Variants in FREM2 observed in about 807,000 individuals in gnomAD.
FREM2 encodes the protein FRAS1-related extracellular matrix protein 2.
FREM2 carries 119 observed loss-of-function variants against 219.9 expected under a neutral mutation model. The ratio of observed to expected loss-of-function variants is 0.54; its 90% CI spans 0.47 to 0.63. The LOEUF is 0.63. FREM2 is among the 30% of genes least tolerant of loss of function. The pLI is 0.00. For synonymous variants in FREM2, 1,562 were observed against 1,522.8 expected (o/e 1.03, Z -0.60); for missense variants, 4,030 against 3,993.6 (o/e 1.01, Z -0.25).
chr13:38,776,433 A>G (rs1383596420), intron 4 of FREM2, among the ~76,000 whole-genome samples: 3 of 152,196 alleles, frequency 2.0e-5, no homozygotes, highest in Admixed American at 6.5e-5. Flanking sequence ...GAGAGAAGGT[A>G]TAAAATGTAC....
chr13:38,695,588 A>T (rs1424932479), intron 1 of FREM2, among the ~76,000 whole-genome samples: 1 of 152,128 alleles, frequency 6.6e-6, no homozygotes, highest in African/African-American at 2.4e-5. Flanking sequence ...AGATTTTCTT[A>T]TGCAATTTGA....
At chr13:38,868,154 G>A (rs957931231) in intron 16 of FREM2, among the ~76,000 whole-genome samples, 1 of 152,160 alleles carries the variant, frequency 6.6e-6, no homozygotes, top group Non-Finnish European at 1.5e-5. Flanking sequence ...TTACACATAG[G>A]TGAGGGAGAA....
At chr13:38,768,563 C>T (rs184874864) in intron 3 of FREM2, among the ~76,000 whole-genome samples, 1 of 152,300 alleles carries the variant, frequency 6.6e-6, no homozygotes, top group African/African-American at 2.4e-5. Context: ...AAACCTGAGC[C>T]ACCATGCCCA....
chr13:38,755,780 A>G (rs919422554), intron 2 of FREM2, among the ~76,000 whole-genome samples: 2 of 152,350 alleles, frequency 1.3e-5, no homozygotes, highest in African/African-American at 4.8e-5. Flanking sequence ...CTGAGATCCT[A>G]GAATGAATTA....
At chr13:38,724,553 C>T (rs1446237866) in intron 2 of FREM2, among the ~76,000 whole-genome samples, 1 of 152,144 alleles carries the variant, frequency 6.6e-6, no homozygotes, top group Admixed American at 6.6e-5. Flanking sequence ...GTAATAGTAG[C>T]ATTATCACTC....
chr13:38,733,175 G>T (rs1871836821), intron 2 of FREM2, among the ~76,000 whole-genome samples: 2 of 152,146 alleles, frequency 1.3e-5, no homozygotes, highest in Non-Finnish European at 2.9e-5. Flanking sequence ...GAAGGTTTTT[G>T]AAGAGGTGGC....
chr13:38,765,534 A>C (rs1873401255), intron 3 of FREM2, among the ~76,000 whole-genome samples: 1 of 152,026 alleles, frequency 6.6e-6, no homozygotes, highest in African/African-American at 2.4e-5. Flanking sequence ...GAACTTCCAG[A>C]TCCTCAAAGA....
At chr13:38,761,781 C>A (rs954887479) in intron 2 of FREM2, among the ~76,000 whole-genome samples, 3 of 151,980 alleles carry the variant, frequency 2.0e-5, no homozygotes, top group Non-Finnish European at 1.5e-5. Context: ...GAATAGGGGT[C>A]CTCATTTTAG....
intron 4 of FREM2, among the ~76,000 whole-genome samples, chr13:38,777,034 C>T (rs1035463102): frequency 1.3e-5 from 2 of 151,612 alleles, no homozygotes; most frequent in African/African-American, 4.8e-5. Context: ...TTATGATATA[C>T]ATATATTATA....
At chr13:38,785,042 G>A (rs1423152852) in intron 6 of FREM2, among the ~76,000 whole-genome samples, 1 of 152,116 alleles carries the variant, frequency 6.6e-6, no homozygotes, top group Non-Finnish European at 1.5e-5. Context: ...CCGCTGCGCC[G>A]TTTCTTTCAC....
At chr13:38,701,368 G>C (rs1390211195) in intron 2 of FREM2, among the ~76,000 whole-genome samples, 1 of 152,066 alleles carries the variant, frequency 6.6e-6, no homozygotes, top group East Asian at 1.9e-4. Context: ...GGATTTAGCT[G>C]TCTTCCATTT....
intron 3 of FREM2, among the ~76,000 whole-genome samples, chr13:38,765,662 C>T (rs1429775520): frequency 6.6e-6 from 1 of 151,926 alleles, no homozygotes; most frequent in Non-Finnish European, 1.5e-5. Flanking sequence ...TTTTTGATTT[C>T]CCCTGACATG....
intron 2 of FREM2, among the ~76,000 whole-genome samples, chr13:38,745,719 C>A (rs571566149): frequency 1.9e-4 from 29 of 152,258 alleles, no homozygotes; most frequent in African/African-American, 7.0e-4. Context: ...CTCACTGATT[C>A]TGTGAGCTTT....
intron 2 of FREM2, among the ~76,000 whole-genome samples, chr13:38,738,528 T>C (rs1384490020): frequency 2.4e-5 from 3 of 123,174 alleles, no homozygotes; most frequent in Non-Finnish European, 4.7e-5. Flanking sequence ...ATCATGCCAC[T>C]GCACTCCAGC....
chr13:38,880,995 C>A lies in FREM2; in HGVS notation c.*208C>A. The A allele has an allele frequency of 1.5e-6, 1 of 646,798 alleles. No homozygotes were observed. The highest frequency in any genetic ancestry group is 2.7e-6 in the Non-Finnish European group (1 of 366,128). The allele number at this position is 646,798 out of a possible 1,614,324, so 40.1% of individuals were successfully genotyped here. The stretch of plus-strand genomic sequence containing the variant: ...AATTAAGGCATCTTTCCTCTTGCCC[C>A]AAAGGCAGCAACAACGTACTCATAT... On this transcript the variant is annotated 3_prime_UTR_variant, in exon 24 of 24. Transcript: ENST00000280481.
intron 3 of FREM2, among the ~76,000 whole-genome samples, chr13:38,764,972 G>C (rs1266763179): frequency 6.6e-6 from 1 of 152,134 alleles, no homozygotes; most frequent in Admixed American, 6.5e-5. Context: ...GTGCAGTGGC[G>C]TGATCTCAGC....
chr13:38,792,333 G>T (rs1874595345), intron 6 of FREM2, among the ~76,000 whole-genome samples: 1 of 152,104 alleles, frequency 6.6e-6, no homozygotes. Context: ...TGGGCAACAA[G>T]CAAGACTCGG....
rs1286447180 is a variant in FREM2, at chr13:38,688,745, CT to C, written c.1403del (p.Leu468TrpfsTer9). On this transcript the variant is annotated frameshift_variant, in exon 1 of 24. Transcript: ENST00000280481. LOFTEE classifies it high-confidence loss of function. ...GCCCTGCAGGCAGTGGTCCGCAAAA[CT>C]TGGTCATCAGCGATGAGGATGACCT... Reference protein sequence around the residue: ...TGPAGSGPQNLVISDEDDLEA... With the variant: ...TGPAGSGPQNXVISDEDDLEA... 1 of 1,613,938 alleles carries C rather than the reference CT, an allele frequency of 6.2e-7. No homozygotes were observed. Among genetic ancestry groups the C allele is most frequent in the Non-Finnish European group, 8.5e-7 (1 of 1,179,962 alleles).
chr13:38,805,738 A>T (rs944644188), intron 6 of FREM2, among the ~76,000 whole-genome samples: 1 of 151,968 alleles, frequency 6.6e-6, no homozygotes, highest in Non-Finnish European at 1.5e-5. Context: ...TCTACTAAAT[A>T]TTAATGTATA....
Sources: allele counts gnomAD v4.1 joint callset (sites outside exome capture counted in the v4.1 genomes callset), GRCh38; gene constraint gnomAD v4.1.1; transcripts MANE v1.5; gene names NCBI Gene and HGNC (gene_info 2026-07-23, HGNC 2026-07-21).